The following AGBL1 variants were observed in gnomAD, a reference collection of about 807,000 sequenced individuals.
The protein encoded by AGBL1 is AGBL carboxypeptidase 1.
AGBL1 carries 130 observed loss-of-function variants against 118.9 expected under a neutral mutation model. The ratio of observed to expected loss-of-function variants is 1.09; its 90% CI spans 0.95 to 1.26. The LOEUF (loss-of-function observed/expected upper bound fraction) is 1.26, where lower values mean the gene tolerates loss of function less well. Ranked by LOEUF, AGBL1 falls within the 50% of genes most tolerant of loss-of-function variation. The probability of loss-of-function intolerance (pLI) is 0.00; values close to 1 mark genes in which losing one functional copy is unlikely to be tolerated. For synonymous variants in AGBL1, 555 were observed against 478.9 expected (o/e 1.16, Z -2.08); for missense variants, 1,584 against 1,298.1 (o/e 1.22, Z -3.38).
At chr15:86,122,805 G>A (rs865894613) in intron 1 of AGBL1, among the ~76,000 whole-genome samples, 2 of 152,144 alleles carry the variant, frequency 1.3e-5, no homozygotes, top group South Asian at 4.1e-4. Context: ...GGCCATGATG[G>A]GAAGTGGGAG....
At chr15:86,264,153 G>A in intron 10 of AGBL1, 105 bp from the exon 11 acceptor site, 1 of 977,376 alleles carries the variant, frequency 1.0e-6, no homozygotes, top group Non-Finnish European at 1.5e-6. Flanking sequence ...CACATTCACA[G>A]GATTTATGCT....
Position 86,546,043 on chromosome 15 carries a change from G to A in AGBL1, c.2727G>A (p.Val909=). 12 of 1,613,306 alleles carry A rather than the reference G, an allele frequency of 7.4e-6. No homozygotes were observed. The highest frequency in any genetic ancestry group is 1.7e-5 in the Admixed American group (1 of 59,906). ...ATGGCCACTCCCAAAAGAAGAATGTGTTCCTTTATGGCTGTAGCATCAAGG... is the reference window on the plus strand; with the variant it reads ...ATGGCCACTCCCAAAAGAAGAATGTATTCCTTTATGGCTGTAGCATCAAGG... ...DFHGHSQKKN[V]FLYGCSIKET... Residue 909 remains valine (V), a synonymous_variant, in exon 20 of 23, where the codon GTG becomes GTA. Transcript: ENST00000614907.
intron 5 of AGBL1, among the ~76,000 whole-genome samples, chr15:86,171,729 T>C (rs1019446536): frequency 6.6e-6 from 1 of 152,142 alleles, no homozygotes; most frequent in Non-Finnish European, 1.5e-5. Flanking sequence ...GATAAACAAG[T>C]TACTCAATTC....
chr15:86,979,207 T>A (rs1051651116), intron 23 of AGBL1, among the ~76,000 whole-genome samples: 5 of 152,230 alleles, frequency 3.3e-5, no homozygotes, highest in Non-Finnish European at 7.3e-5. Context: ...AATTAAAATA[T>A]AAATCATGAA....
At chr15:86,574,493 G>A (rs2084054167) in intron 21 of AGBL1, among the ~76,000 whole-genome samples, 1 of 152,054 alleles carries the variant, frequency 6.6e-6, no homozygotes, top group South Asian at 2.1e-4. Context: ...TCACAACTGG[G>A]GATCCAGGAG....
At chr15:86,801,967 G>A (rs16977998) in intron 22 of AGBL1, among the ~76,000 whole-genome samples, 3,562 of 152,174 alleles carry the variant, frequency 0.023, 150 homozygotes, top group African/African-American at 0.082. Context: ...ACAACTTATG[G>A]ATGCTATTAT....
intron 22 of AGBL1, among the ~76,000 whole-genome samples, chr15:86,715,707 A>G (rs996465321): frequency 6.6e-6 from 1 of 152,192 alleles, no homozygotes; most frequent in Admixed American, 6.5e-5. Flanking sequence ...AAGATGAAGG[A>G]AAAGCACAGG....
intron 19 of AGBL1, among the ~76,000 whole-genome samples, chr15:86,529,388 CGAG>C (rs1440334252): frequency 3.0e-5 from 4 of 133,110 alleles, no homozygotes; most frequent in Non-Finnish European, 6.0e-5. Flanking sequence ...TGAAATGAAG[CGAG>C]AAGGGAAGTT....
At chr15:86,919,766 T>G (rs1227195873), downstream of AGBL1, among the ~76,000 whole-genome samples, 1 of 152,224 alleles carries the variant, frequency 6.6e-6, no homozygotes, top group Non-Finnish European at 1.5e-5. Flanking sequence ...CGATGTTTTA[T>G]AATTGGTGTT....
chr15:86,612,589 C>T (rs62012547), intron 21 of AGBL1, among the ~76,000 whole-genome samples: 2 of 152,090 alleles, frequency 1.3e-5, no homozygotes, highest in Non-Finnish European at 2.9e-5. Context: ...ACCTGACTCT[C>T]GTACAGCATC....
chr15:86,551,032 G>C (rs1345866602), intron 20 of AGBL1, among the ~76,000 whole-genome samples: 3 of 151,854 alleles, frequency 2.0e-5, no homozygotes, highest in Admixed American at 6.6e-5. Flanking sequence ...ATCTTTAAGT[G>C]AATAAAAATT....
chr15:86,079,790 G>A (rs2270633), upstream of AGBL1: 5,160 of 398,828 alleles, frequency 0.013, 363 homozygotes, highest in East Asian at 0.16. Context: ...GAGTCGGTGG[G>A]TATTCACGCC....
At chr15:87,009,337 A>T (rs546631347) in intron 24 of AGBL1, among the ~76,000 whole-genome samples, 1 of 152,294 alleles carries the variant, frequency 6.6e-6, no homozygotes, top group East Asian at 1.9e-4. Context: ...CAGCTTTCAC[A>T]TGGTGTTGAG....
intron 21 of AGBL1, among the ~76,000 whole-genome samples, chr15:86,671,304 G>T (rs994267656): frequency 3.3e-5 from 5 of 152,162 alleles, no homozygotes; most frequent in African/African-American, 9.7e-5. Flanking sequence ...ATGGCAGATA[G>T]TGTGGCCTTT....
chr15:86,208,883 C>T lies in AGBL1; in HGVS notation c.489-16031C>T, dbSNP rs1023137497. Among the ~76,000 whole-genome samples, 9 of 150,566 alleles carry T rather than the reference C, an allele frequency of 6.0e-5. 1 individual carries two copies. The highest frequency in any genetic ancestry group is 8.9e-5 in the Non-Finnish European group (6 of 67,050). Reference sequence around the variant, plus strand: ...CTAGCTTTTGAATTTGTTTGCTCTTCTCTACTTCTTTTAATTGTGATGTTA... The same window carrying T: ...CTAGCTTTTGAATTTGTTTGCTCTTTTCTACTTCTTTTAATTGTGATGTTA... On this transcript the variant is annotated intron_variant, in intron 5 of 22. Transcript: ENST00000614907.
chr15:86,210,894 G>A (rs1222669097), intron 5 of AGBL1, among the ~76,000 whole-genome samples: 1 of 152,132 alleles, frequency 6.6e-6, no homozygotes, highest in Admixed American at 6.5e-5. Context: ...AGGAGAAAAG[G>A]CACTCTGGTT....
chr15:86,358,049 A>T (rs1364733214), intron 17 of AGBL1, among the ~76,000 whole-genome samples: 12 of 151,986 alleles, frequency 7.9e-5, no homozygotes, highest in Non-Finnish European at 1.5e-5. Context: ...ATTAAGATAA[A>T]CTCTTTTAGC....
chr15:86,406,976 A>G (rs2081538461), intron 18 of AGBL1, among the ~76,000 whole-genome samples: 1 of 152,108 alleles, frequency 6.6e-6, no homozygotes, highest in Non-Finnish European at 1.5e-5. Flanking sequence ...ATTGAGTCAG[A>G]TGTTATACAT....
At chr15:86,648,995 T>C (rs1366187297) in intron 21 of AGBL1, among the ~76,000 whole-genome samples, 2 of 152,062 alleles carry the variant, frequency 1.3e-5, no homozygotes, top group Non-Finnish European at 2.9e-5. Context: ...GGAAGAGTGA[T>C]ATGAAGAGAC....
Sources: allele counts gnomAD v4.1 joint callset (sites outside exome capture counted in the v4.1 genomes callset), GRCh38; gene constraint gnomAD v4.1.1; transcripts MANE v1.5; gene names NCBI Gene and HGNC (gene_info 2026-07-23, HGNC 2026-07-21).